Variants in MAP3K10 observed in about 807,000 individuals in gnomAD.
The protein encoded by MAP3K10 is MKN28 derived nonreceptor_type serine/threonine kinase.
MAP3K10 carries 22 observed loss-of-function variants against 75.0 expected under a neutral mutation model. That is an observed-to-expected ratio of 0.29 (90% CI 0.21 to 0.42). MAP3K10 has a LOEUF of 0.42. MAP3K10 is among the 10% of genes least tolerant of loss of function. MAP3K10 has a pLI of 1.00. For synonymous variants in MAP3K10, 599 were observed against 612.9 expected, an observed-to-expected ratio of 0.98 and a Z score of 0.34; for missense variants, 1,165 against 1,379.8, an observed-to-expected ratio of 0.84 and a Z score of 2.47.
In MAP3K10 at chr19:40,204,968, G is replaced by A. The variant is rs546790525; in HGVS notation, c.1013-153G>A. 3 of 749,548 alleles carry A rather than the reference G, an allele frequency of 4.0e-6. No individual in the cohort carries two copies. The South Asian group carries it at 5.1e-5, about 13-fold the overall frequency. 46.4% of individuals were successfully genotyped at this position (749,548 alleles called of 1,614,324 possible). A position where few individuals can be genotyped will look rare whatever the true frequency, so the allele number is the denominator to read the frequency against. On this transcript the variant is annotated intron_variant, in intron 3 of 9. Transcript: ENST00000253055. This position sits in a 1 kb window ranked among gnomAD's most constrained non-coding sequence, Gnocchi z 4.3. ...CGTTTCACTGAGTGGAATTGGCCAGGAGCTTGGCTTTGAATCCCTTCCCCT... is the reference window on the plus strand; with the variant it reads ...CGTTTCACTGAGTGGAATTGGCCAGAAGCTTGGCTTTGAATCCCTTCCCCT...
At position 40,214,113 on chromosome 19, in the gene MAP3K10, C is replaced by T; in HGVS notation, c.2434C>T (p.Pro812Ser). The T allele has an allele frequency of 6.4e-7, 1 of 1,566,718 alleles. No homozygotes were observed. The highest frequency in any genetic ancestry group is 1.2e-5 in the South Asian group (1 of 86,312). ...FKKDPRQSLTPTHVTAACAVS... is the reference protein window; with the variant it reads ...FKKDPRQSLTSTHVTAACAVS... ...GAAGGACCCCCGCCAGTCGCTCACG[C>T]CCACCCACGTCACGGCTGCATGCGC... Residue 812 changes from proline to serine, a missense_variant, in exon 9 of 10, where the codon CCC becomes TCC. By Grantham distance (74) the Pro-to-Ser change is moderately conservative. This residue lies in a region of MAP3K10 where 590 missense variants were observed against 586.6 expected (regional missense o/e 1.01). Coordinates refer to ENST00000253055, the MANE Select transcript of MAP3K10 (RefSeq NM_002446.4).
chr19:40,198,026 T>G lies in MAP3K10; in HGVS notation c.683-349T>G, dbSNP rs1972942618. 6.6e-6 allele frequency among the ~76,000 whole-genome samples: 1 copy of G among 151,772 alleles called. No individual in the cohort carries two copies. The highest frequency in any genetic ancestry group is 2.1e-4 in the South Asian group (1 of 4,818). ...TTAAAAAGTTTTTGTAGAGATGAGG[T>G]CTTGCCATGTTGCACAGGCTGGTCT... On this transcript the variant is annotated intron_variant, in intron 1 of 9. Coordinates refer to ENST00000253055, the MANE Select transcript of MAP3K10 (RefSeq NM_002446.4). The surrounding 1 kb of genome is among the most constrained non-coding windows in gnomAD (Gnocchi z 4.3).
rs1490970779 is a variant in MAP3K10, at chr19:40,192,608, C to G, written c.577C>G (p.Pro193Ala). ...GGTGCTGGCAGGTCGCCGGGTGCCA[C>G]CTCACGTGCTGGTCAACTGGGCTGT... ...SRVLAGRRVPPHVLVNWAVQV... is the reference protein window; with the variant it reads ...SRVLAGRRVPAHVLVNWAVQV... The change falls in exon 1 of 10, where the codon CCT becomes GCT. Residue 193 changes from proline (P) to alanine (A), a missense_variant. Physicochemically the swap from Pro to Ala is conservative, Grantham distance 27. This residue lies in a region of MAP3K10 where 575 missense variants were observed against 793.2 expected (regional missense o/e 0.72). Transcript: ENST00000253055. The surrounding 1 kb of genome is among the most constrained non-coding windows in gnomAD (Gnocchi z 7.1). 1 of 1,612,312 alleles carries G rather than the reference C, an allele frequency of 6.2e-7. No individual in the cohort carries two copies. The highest frequency in any genetic ancestry group is 8.5e-7 in the Non-Finnish European group (1 of 1,179,418).
Position 40,205,609 on chromosome 19 carries a change from G to C in MAP3K10, c.1189-302G>C. The C allele has an allele frequency of 1.9e-6, 1 of 534,448 alleles. No homozygotes were observed. The highest frequency in any genetic ancestry group is 3.3e-6 in the Non-Finnish European group (1 of 301,970). 33.1% of individuals were successfully genotyped at this position (534,448 alleles called of 1,614,324 possible). A position where few individuals can be genotyped will look rare whatever the true frequency, so the allele number is the denominator to read the frequency against. On this transcript the variant is annotated intron_variant, in intron 4 of 9. Transcript: ENST00000253055. This position sits in a 1 kb window ranked among gnomAD's most constrained non-coding sequence, Gnocchi z 4.3. ...GATTCGCAAAGCATAGGTAATTGTT[G>C]AAATTGGATGATGGGTACAGGGGGG...
In MAP3K10 at chr19:40,192,186, T is replaced by G. The variant is rs1011033246; in HGVS notation, c.155T>G (p.Val52Gly). ...RVQVLSQDCA[V>G]SGDEGWWTGQ... ...CAGGTGCTTTCCCAAGACTGTGCGG[T>G]GTCCGGCGACGAGGGCTGGTGGACC... Residue 52 changes from valine (V) to glycine (G), a missense_variant, in exon 1 of 10, where the codon GTG (valine) becomes GGG (glycine). Physicochemically the swap from Val to Gly is moderately radical, Grantham distance 109 (BLOSUM62 -3). This residue lies in a region of MAP3K10 where 575 missense variants were observed against 793.2 expected (regional missense o/e 0.72). Coordinates refer to ENST00000253055, the MANE Select transcript of MAP3K10 (RefSeq NM_002446.4). This position sits in a 1 kb window ranked among gnomAD's most constrained non-coding sequence, Gnocchi z 7.1. The G allele has an allele frequency of 2.1e-5, 34 of 1,608,574 alleles. No individual in the cohort carries two copies. The Admixed American group carries it at 4.2e-4, about 20-fold the overall frequency.
rs1972966986 is a variant in MAP3K10, at chr19:40,198,915, A to G, written c.863+360A>G. 6.6e-6 allele frequency among the ~76,000 whole-genome samples: 1 copy of G among 152,190 alleles called. No individual in the cohort carries two copies. The highest frequency in any genetic ancestry group is 1.5e-5 in the Non-Finnish European group (1 of 68,030). ...AAACCCCATCTCTACTAAAAATACT[A>G]AAATTACCTGGGCGTGGTGGCAGAT... On this transcript the variant is annotated intron_variant, in intron 2 of 9. Coordinates refer to ENST00000253055, the MANE Select transcript of MAP3K10 (RefSeq NM_002446.4). This position sits in a 1 kb window ranked among gnomAD's most constrained non-coding sequence, Gnocchi z 4.3.
At chr19:40,209,416 C>CT (rs1437800864) in intron 6 of MAP3K10, among the ~76,000 whole-genome samples, 197 bp downstream of exon 6, 11 of 119,592 alleles carry the variant, frequency 9.2e-5, no homozygotes, top group Admixed American at 2.5e-4. Context: ...TTTTTTTTTT[C>CT]TTTTTTTTTG....
Position 40,213,537 on chromosome 19 carries a change from G to C in MAP3K10, c.1858G>C (p.Asp620His). ...NEMEEFAEAE[D>H]GGSSVPPSPY... ...TGCAGAGGAGTTCGCGGAGGCAGAGGATGGAGGCAGCAGCGTGCCCCCTTC... is the reference window on the plus strand; with the variant it reads ...TGCAGAGGAGTTCGCGGAGGCAGAGCATGGAGGCAGCAGCGTGCCCCCTTC... Residue 620 changes from aspartate (D) to histidine (H), a missense_variant, in exon 9 of 10, where the codon GAT (aspartate) becomes CAT (histidine). Physicochemically the swap from Asp to His is moderately conservative, Grantham distance 81 (BLOSUM62 -1). Transcript: ENST00000253055. The surrounding 1 kb of genome is among the most constrained non-coding windows in gnomAD (Gnocchi z 5.7). The C allele has an allele frequency of 6.2e-7, 1 of 1,612,040 alleles. No individual in the cohort carries two copies. Among genetic ancestry groups the C allele is most frequent in the Non-Finnish European group, 8.5e-7 (1 of 1,179,392 alleles).
intron 1 of MAP3K10, among the ~76,000 whole-genome samples, chr19:40,193,578 G>T (rs1182315674): frequency 1.3e-5 from 2 of 152,142 alleles, no homozygotes; most frequent in African/African-American, 4.8e-5. Context: ...CATGGTTTCT[G>T]CCCTGACAGT....
intron 2 of MAP3K10, among the ~76,000 whole-genome samples, chr19:40,202,526 G>C (rs1249176440): frequency 2.0e-5 from 3 of 152,042 alleles, no homozygotes; most frequent in African/African-American, 7.2e-5. Flanking sequence ...CTCTTATTTT[G>C]GGGTCCATTC....
rs189547570 is a variant in MAP3K10 at position 40,198,210 on chromosome 19, G to A, written c.683-165G>A. ...CCTGGGACAGGGATTAGACCTGGGC[G>A]GAGGGGCTCATGGATGTTCCAGGCC... On this transcript the variant is annotated intron_variant, in intron 1 of 9. Coordinates refer to ENST00000253055, the MANE Select transcript of MAP3K10 (RefSeq NM_002446.4). This position sits in a 1 kb window ranked among gnomAD's most constrained non-coding sequence, Gnocchi z 4.3. Among the ~76,000 whole-genome samples the A allele has an allele frequency of 3.9e-5, 6 of 152,278 alleles. No homozygotes were observed. The highest frequency in any genetic ancestry group is 1.9e-4 in the East Asian group (1 of 5,178).
chr19:40,199,349 A>G (rs1174625569), intron 2 of MAP3K10, among the ~76,000 whole-genome samples: 1 of 152,178 alleles, frequency 6.6e-6, no homozygotes, highest in African/African-American at 2.4e-5. Flanking sequence ...AGACAAGTAC[A>G]CCAGAAAAAA....
chr19:40,215,229 G>A lies in MAP3K10; in HGVS notation c.2802G>A (p.Met934Ile). The A allele has an allele frequency of 1.3e-6, 2 of 1,563,438 alleles. No individual in the cohort carries two copies. The highest frequency in any genetic ancestry group is 1.9e-5 in the Admixed American group (1 of 52,608). ...PPSVQPTLLD[M>I]DMEGQNQDST... ...GCGTGCAGCCCACACTGCTGGACAT[G>A]GACATGGAGGGGCAGAACCAAGACA... is the stretch of plus-strand genomic sequence containing the variant. The change falls in exon 10 of 10, where the codon ATG becomes ATA. Residue 934 changes from methionine (M) to isoleucine (I), a missense_variant. Around this residue, in one of 2 missense-constraint regions of MAP3K10, gnomAD observed 590 missense variants for 586.6 expected, o/e 1.01. Coordinates refer to ENST00000253055, the MANE Select transcript of MAP3K10 (RefSeq NM_002446.4).
chr19:40,213,728 G>A lies in MAP3K10; in HGVS notation c.2049G>A (p.Gly683=), dbSNP rs1973286873. ...TGCTAGGCTGCGCCACGCTGCTGGGGGCTGTGGGCCTGGGCGCCGACGTGG... is the reference window on the plus strand; with the variant it reads ...TGCTAGGCTGCGCCACGCTGCTGGGAGCTGTGGGCCTGGGCGCCGACGTGG... ...LALLGCATLL[G]AVGLGADVAE... The change falls in exon 9 of 10, where the codon GGG becomes GGA. Residue 683 remains glycine (G), a synonymous_variant. Coordinates refer to ENST00000253055, the MANE Select transcript of MAP3K10 (RefSeq NM_002446.4). The surrounding 1 kb of genome is among the most constrained non-coding windows in gnomAD (Gnocchi z 5.7). 1 of 1,080,982 alleles carries A rather than the reference G, an allele frequency of 9.3e-7. No homozygotes were observed. Among genetic ancestry groups the A allele is most frequent in the Non-Finnish European group, 1.1e-6 (1 of 890,374 alleles). The allele number at this position is 1,080,982 out of a possible 1,614,324, so 67.0% of individuals were successfully genotyped here.
Position 40,205,159 on chromosome 19 carries a change from G to A in MAP3K10, c.1051G>A (p.Gly351Ser), listed in dbSNP as rs780485487. Residue 351 changes from glycine to serine, a missense_variant, in exon 4 of 10, where the codon GGT becomes AGT. This residue lies in a region of MAP3K10 where 575 missense variants were observed against 793.2 expected (regional missense o/e 0.72). Coordinates refer to ENST00000253055, the MANE Select transcript of MAP3K10 (RefSeq NM_002446.4). This position sits in a 1 kb window ranked among gnomAD's most constrained non-coding sequence, Gnocchi z 4.3. ...DPDPHGRPDF[G>S]SILKRLEVIE... ...AGACCCCCACGGGCGGCCAGATTTC[G>A]GTAGCATCTTGAAGCGGCTTGAAGT... 2.1e-5 allele frequency: 34 copies of A among 1,613,716 alleles called. No individual in the cohort carries two copies. Among genetic ancestry groups the A allele is most frequent in the East Asian group, 1.8e-4 (8 of 44,892 alleles).
In MAP3K10 at chr19:40,212,022, G is replaced by A. The variant is rs1470299236; in HGVS notation, c.1553-783G>A. Among the ~76,000 whole-genome samples, 5 of 152,190 alleles carry A rather than the reference G, an allele frequency of 3.3e-5. No individual in the cohort carries two copies. The highest frequency in any genetic ancestry group is 1.2e-4 in the African/African-American group (5 of 41,438). ...TTCCAGGCAAGAGCCACCGCACCTG[G>A]CCTGGTATGGATTTTCTTTTAACTG... On this transcript the variant is annotated intron_variant, in intron 6 of 9. Coordinates refer to ENST00000253055, the MANE Select transcript of MAP3K10 (RefSeq NM_002446.4). The surrounding 1 kb of genome is among the most constrained non-coding windows in gnomAD (Gnocchi z 4.2).
At position 40,215,089 on chromosome 19, in the gene MAP3K10, C is replaced by T. The variant is rs1333936673; in HGVS notation, c.2662C>T (p.Arg888Trp). 2.5e-6 allele frequency: 4 copies of T among 1,609,884 alleles called. No individual in the cohort carries two copies. Among genetic ancestry groups the T allele is most frequent in the East Asian group, 2.2e-5 (1 of 44,724 alleles). ...PTTLTFAPRPRPAASRPRLDP... is the reference protein window; with the variant it reads ...PTTLTFAPRPWPAASRPRLDP... ...CACCCTGACCTTTGCCCCGAGACCT[C>T]GGCCGGCTGCCAGTCGCCCCCGCTT... Residue 888 changes from arginine (R) to tryptophan (W), a missense_variant, in exon 10 of 10, where the codon CGG becomes TGG. Physicochemically the swap from Arg to Trp is moderately radical, Grantham distance 101. Transcript: ENST00000253055.
chr19:40,197,263 C>A (rs1413505611), intron 1 of MAP3K10, among the ~76,000 whole-genome samples: 2 of 152,174 alleles, frequency 1.3e-5, no homozygotes, highest in African/African-American at 4.8e-5. Context: ...CCCTGTCATT[C>A]TTAGCCAAAG....
rs748436505 is a variant in MAP3K10, at chr19:40,214,151, G to T, written c.2472G>T (p.Gly824=). The T allele has an allele frequency of 1.3e-6, 2 of 1,535,572 alleles. No individual in the cohort carries two copies. The highest frequency in any genetic ancestry group is 1.4e-5 in the African/African-American group (1 of 71,298). Reference sequence around the variant, plus strand: ...CGGCTGCATGCGCTGTGAGCCGCGGGCACCGGCGGACGCCATCGGACGGGG... The same window carrying T: ...CGGCTGCATGCGCTGTGAGCCGCGGTCACCGGCGGACGCCATCGGACGGGG... ...HVTAACAVSR[G]HRRTPSDGAL... The change falls in exon 9 of 10, where the codon GGG becomes GGT. Residue 824 remains glycine, a synonymous_variant. Coordinates refer to ENST00000253055, the MANE Select transcript of MAP3K10 (RefSeq NM_002446.4).
Sources: allele counts gnomAD v4.1 joint callset (sites outside exome capture counted in the v4.1 genomes callset), GRCh38; gene constraint gnomAD v4.1.1; regional missense constraint gnomAD v4.1.1; non-coding constraint Gnocchi (gnomAD v3.1); transcripts MANE v1.5; gene names NCBI Gene and HGNC (gene_info 2026-07-23, HGNC 2026-07-21).